DPYSL2: variants seen among roughly 807,000 people sequenced by gnomAD.
DPYSL2 encodes dihydropyrimidinase like 2.
Under a neutral mutation model 69.9 loss-of-function variants are expected in DPYSL2, and 13 were observed. That is an observed-to-expected ratio of 0.19 (90% CI 0.12 to 0.30). The LOEUF (loss-of-function observed/expected upper bound fraction) is 0.30. Ranked by LOEUF, DPYSL2 falls within the 10% of genes least tolerant of loss-of-function variation. The pLI is 1.00. For synonymous variants in DPYSL2, 326 were observed against 359.1 expected (o/e 0.91, Z 1.04); for missense variants, 587 against 918.9 (o/e 0.64, Z 4.67).
Position 26,627,280 on chromosome 8 carries a change from C to T in DPYSL2, c.921C>T (p.Gly307=), listed in dbSNP as rs773335767. Residue 307 remains glycine, a synonymous_variant, in exon 6 of 14, where the codon GGC becomes GGT. Transcript: ENST00000521913. This position sits in a 1 kb window ranked among gnomAD's most constrained non-coding sequence, Gnocchi z 6.9. ...GAIAQVHAEN[G]DIIAEEQQRI... ...TAGCCCAAGTCCACGCAGAAAATGGCGACATCATTGCAGAGGTACAGGGCT... is the reference window on the plus strand; with the variant it reads ...TAGCCCAAGTCCACGCAGAAAATGGTGACATCATTGCAGAGGTACAGGGCT... 3.7e-5 allele frequency: 59 copies of T among 1,614,026 alleles called. No homozygotes were observed. The highest frequency in any genetic ancestry group is 1.6e-4 in the Middle Eastern group (1 of 6,084).
chr8:26,518,113 G>A (rs1808322883), intron 1 of DPYSL2, among the ~76,000 whole-genome samples: 2 of 152,178 alleles, frequency 1.3e-5, no homozygotes, highest in African/African-American at 4.8e-5. Flanking sequence ...TGCTCCTCAG[G>A]CAAACAACTG....
Position 26,564,721 on chromosome 8 carries a change from A to C in DPYSL2, c.355-17248A>C, listed in dbSNP as rs1426793780. 6.6e-6 allele frequency among the ~76,000 whole-genome samples: 1 copy of C among 152,074 alleles called. No individual in the cohort carries two copies. Among genetic ancestry groups the C allele is most frequent in the Non-Finnish European group, 1.5e-5 (1 of 68,008 alleles). On this transcript the variant is annotated intron_variant, in intron 1 of 13. Transcript: ENST00000521913. This position sits in a 1 kb window ranked among gnomAD's most constrained non-coding sequence, Gnocchi z 4.8. ...AGGACCAGTGGGAAGTCTTCAGGGG[A>C]AGCTCTTCTGGAGTGATCTGTCCCA...
rs572642374 is a variant in DPYSL2, at chr8:26,559,883, A to T, written c.355-22086A>T. Among the ~76,000 whole-genome samples, 18 of 152,332 alleles carry T rather than the reference A, an allele frequency of 1.2e-4. 1 individual carries two copies. The South Asian group carries it at 2.7e-3, about 23-fold the overall frequency. ...TTGCATTAAATTCACAAGTTTCAGT[A>T]GGAAGTCAGGGTTGCAGGGAGGAGC... On this transcript the variant is annotated intron_variant, in intron 1 of 13. Coordinates refer to ENST00000521913, the MANE Select transcript of DPYSL2 (RefSeq NM_001197293.3).
chr8:26,579,535 G>T (rs1022694433), intron 1 of DPYSL2, among the ~76,000 whole-genome samples: 1 of 152,186 alleles, frequency 6.6e-6, no homozygotes, highest in African/African-American at 2.4e-5. Context: ...CTGGATATAA[G>T]GACGCTCTTT....
In DPYSL2 at chr8:26,591,573, G is replaced by T. The variant is rs191533180; in HGVS notation, c.628+7590G>T. Among the ~76,000 whole-genome samples the T allele has an allele frequency of 6.6e-6, 1 of 152,154 alleles. No individual in the cohort carries two copies. On this transcript the variant is annotated intron_variant, in intron 3 of 13. Coordinates refer to ENST00000521913, the MANE Select transcript of DPYSL2 (RefSeq NM_001197293.3). This position sits in a 1 kb window ranked among gnomAD's most constrained non-coding sequence, Gnocchi z 5.8. The stretch of plus-strand genomic sequence containing the variant: ...AATGAGTCTGATGGGAGCCAGACCC[G>T]TTACTCCTTCTACTCATGATAGCTT...
intron 1 of DPYSL2, among the ~76,000 whole-genome samples, chr8:26,541,555 A>G (rs1198759485): frequency 1.3e-5 from 2 of 152,234 alleles, no homozygotes; most frequent in Non-Finnish European, 2.9e-5. Flanking sequence ...AGACAGATTC[A>G]TGTAACACTG....
At chr8:26,545,834 A>T (rs1206368000) in intron 1 of DPYSL2, among the ~76,000 whole-genome samples, 2 of 151,380 alleles carry the variant, frequency 1.3e-5, no homozygotes, top group African/African-American at 2.4e-5. Context: ...GACTATATTT[A>T]TGTGTGTTTC....
Position 26,514,820 on chromosome 8 carries a change from G to T in DPYSL2, c.354+141G>T. ...TCTGCACGCGCACCCCGCCCTACCCGCCCCTTCTCCGCGCAGGGTGCGGCG... is the reference window on the plus strand; with the variant it reads ...TCTGCACGCGCACCCCGCCCTACCCTCCCCTTCTCCGCGCAGGGTGCGGCG... On this transcript the variant is annotated intron_variant, in intron 1 of 13. Transcript: ENST00000521913. The surrounding 1 kb of genome is among the most constrained non-coding windows in gnomAD (Gnocchi z 8.4). 1.3e-6 allele frequency: 1 copy of T among 782,938 alleles called. No homozygotes were observed. Among genetic ancestry groups the T allele is most frequent in the South Asian group, 2.5e-5 (1 of 40,272 alleles). The allele number at this position is 782,938 out of a possible 1,614,324, so 48.5% of individuals were successfully genotyped here. A position where few individuals can be genotyped will look rare whatever the true frequency, so the allele number is the denominator to read the frequency against.
At chr8:26,553,952 G>T (rs1008697789) in intron 1 of DPYSL2, among the ~76,000 whole-genome samples, 1 of 140,390 alleles carries the variant, frequency 7.1e-6, no homozygotes, top group East Asian at 2.2e-4. Flanking sequence ...ATGCTGGAGT[G>T]CAGTGGCACG....
chr8:26,649,363 G>A (rs1355479142), intron 11 of DPYSL2, among the ~76,000 whole-genome samples: 2 of 152,152 alleles, frequency 1.3e-5, no homozygotes, highest in African/African-American at 2.4e-5. Context: ...GGCTGGGCTC[G>A]TTATTTAAGA....
At chr8:26,542,199 A>T (rs1563379944) in intron 1 of DPYSL2, among the ~76,000 whole-genome samples, 1 of 152,092 alleles carries the variant, frequency 6.6e-6, no homozygotes, top group Non-Finnish European at 1.5e-5. Context: ...GAGGTGGGAG[A>T]ATCGCTTGAG....
intron 7 of DPYSL2, among the ~76,000 whole-genome samples, chr8:26,633,366 G>A (rs918382749): frequency 2.6e-5 from 4 of 152,200 alleles, no homozygotes; most frequent in South Asian, 4.1e-4. Flanking sequence ...TTGCTGATTG[G>A]TGATTCCTCT....
intron 3 of DPYSL2, among the ~76,000 whole-genome samples, chr8:26,602,299 A>G (rs948768509): frequency 6.6e-6 from 1 of 151,992 alleles, no homozygotes; most frequent in African/African-American, 2.4e-5. Flanking sequence ...TTAATTTTAT[A>G]TAAAAATTCT....
At chr8:26,612,352 T>G (rs1422400206) in intron 3 of DPYSL2, among the ~76,000 whole-genome samples, 1 of 152,180 alleles carries the variant, frequency 6.6e-6, no homozygotes, top group Admixed American at 6.5e-5. Context: ...AGAAAACCGT[T>G]TAAAATAGGG....
intron 3 of DPYSL2, among the ~76,000 whole-genome samples, chr8:26,613,981 T>C (rs1051667859): frequency 6.6e-6 from 1 of 151,900 alleles, no homozygotes; most frequent in Non-Finnish European, 1.5e-5. Context: ...AAATTAAAAA[T>C]TAACTGGGCA....
At chr8:26,635,149 TC>T (rs1802881228) in intron 8 of DPYSL2, among the ~76,000 whole-genome samples, 1 of 152,196 alleles carries the variant, frequency 6.6e-6, no homozygotes, top group African/African-American at 2.4e-5. Flanking sequence ...CAGGCACATG[TC>T]CCCCAGCCCC....
rs184164830 is a variant in DPYSL2 at position 26,561,365 on chromosome 8, G to A, written c.355-20604G>A. ...CTTTACCTCCTCCTCAGCTGGTGTC[G>A]TAGAATTATTTGACTTAATTACCAT... On this transcript the variant is annotated intron_variant, in intron 1 of 13. Coordinates refer to ENST00000521913, the MANE Select transcript of DPYSL2 (RefSeq NM_001197293.3). Among the ~76,000 whole-genome samples the A allele has an allele frequency of 2.6e-3, 394 of 152,220 alleles. 2 individuals carry two copies. Among genetic ancestry groups the A allele is most frequent in the African/African-American group, 9.0e-3 (373 of 41,532 alleles).
intron 3 of DPYSL2, among the ~76,000 whole-genome samples, chr8:26,596,655 C>G (rs575275801): frequency 5.3e-5 from 8 of 152,342 alleles, no homozygotes; most frequent in African/African-American, 1.9e-4. Flanking sequence ...ATCCTTCCAT[C>G]AACCCCGAAG....
Position 26,642,379 on chromosome 8 carries a change from T to C in DPYSL2, c.1127-1060T>C, listed in dbSNP as rs1345657199. ...CAGTAGTGAAGAGCATCTGATGCTT[T>C]GGTGAGGAGGATTTTCTTTTAAGTC... On this transcript the variant is annotated intron_variant, in intron 8 of 13. Coordinates refer to ENST00000521913, the MANE Select transcript of DPYSL2 (RefSeq NM_001197293.3). The surrounding 1 kb of genome is among the most constrained non-coding windows in gnomAD (Gnocchi z 5.3). Among the ~76,000 whole-genome samples, 2 of 152,116 alleles carry C rather than the reference T, an allele frequency of 1.3e-5. No homozygotes were observed. The highest frequency in any genetic ancestry group is 2.1e-4 in the South Asian group (1 of 4,824).
Sources: allele counts gnomAD v4.1 joint callset (sites outside exome capture counted in the v4.1 genomes callset), GRCh38; gene constraint gnomAD v4.1.1; non-coding constraint Gnocchi (gnomAD v3.1); transcripts MANE v1.5; gene names NCBI Gene and HGNC (gene_info 2026-07-23, HGNC 2026-07-21).